The following GLIS3 variants were observed in gnomAD, a reference collection of about 807,000 sequenced individuals.
GLIS3 encodes GLIS family zinc finger 3.
Under a neutral mutation model 78.6 loss-of-function variants are expected in GLIS3, and 53 were observed. That is an observed-to-expected ratio of 0.67 (90% CI 0.54 to 0.85). The LOEUF is 0.85. Among genes scored for constraint, GLIS3 ranks in the 40% least tolerant of loss-of-function variants. The pLI is 0.00. For missense variants in GLIS3, 1,703 were observed against 1,231.1 expected, an observed-to-expected ratio of 1.38 and a Z score of -5.74; for synonymous variants, 684 against 509.9, an observed-to-expected ratio of 1.34 and a Z score of -4.60.
At chr9:4,015,635 C>G (rs1311025068) in intron 4 of GLIS3, among the ~76,000 whole-genome samples, 3 of 152,160 alleles carry the variant, frequency 2.0e-5, no homozygotes, top group Non-Finnish European at 4.4e-5. Context: ...CGCCCGTAAT[C>G]CCAGCACTTT....
intron 3 of GLIS3, among the ~76,000 whole-genome samples, chr9:4,309,613 C>T (rs1458797912): frequency 6.6e-6 from 1 of 152,148 alleles, no homozygotes; most frequent in African/African-American, 2.4e-5. Context: ...ATAATTGTGC[C>T]TAAGTCAGGC....
chr9:4,148,578 C>T (rs1056153783), intron 2 of GLIS3, among the ~76,000 whole-genome samples: 1 of 151,952 alleles, frequency 6.6e-6, no homozygotes, highest in Non-Finnish European at 1.5e-5. Flanking sequence ...AACTGGCAGG[C>T]CCATGAGGAC....
chr9:4,145,822 A>T (rs1261109857), intron 2 of GLIS3, among the ~76,000 whole-genome samples: 1 of 151,702 alleles, frequency 6.6e-6, no homozygotes, highest in Non-Finnish European at 1.5e-5. Context: ...TCCCAGAGAG[A>T]GTAATCTTCT....
intron 9 of GLIS3, among the ~76,000 whole-genome samples, chr9:3,835,621 C>G (rs1818303485): frequency 6.6e-6 from 1 of 152,214 alleles, no homozygotes; most frequent in South Asian, 2.1e-4. Context: ...TTGCTGCAAT[C>G]ATTGTAATTT....
At chr9:3,966,858 G>C (rs1278251392) in intron 4 of GLIS3, among the ~76,000 whole-genome samples, 2 of 151,246 alleles carry the variant, frequency 1.3e-5, no homozygotes, top group African/African-American at 4.9e-5. Flanking sequence ...CAATATAAAA[G>C]TGAAATTCAA....
rs905376635 is a variant in GLIS3 at position 3,824,394 on chromosome 9, AAAACAAAC to A, written c.*3870_*3877del. The stretch of plus-strand genomic sequence containing the variant: ...GAGGCTGATGGTAAAACAAAACAAA[AAAACAAAC>A]AAACAAACAATGATGGTTGCCATTG... On this transcript the variant is annotated 3_prime_UTR_variant, in exon 11 of 11. Coordinates refer to ENST00000381971, the MANE Select transcript of GLIS3 (RefSeq NM_001042413.2). The A allele has an allele frequency of 4.6e-5, 7 of 152,672 alleles. No individual in the cohort carries two copies. The East Asian group carries it at 7.7e-4, about 17-fold the overall frequency. 9.5% of individuals were successfully genotyped at this position (152,672 alleles called of 1,614,324 possible).
intron 9 of GLIS3, among the ~76,000 whole-genome samples, chr9:3,836,956 G>A (rs1439431567): frequency 3.3e-5 from 5 of 152,264 alleles, no homozygotes; most frequent in Admixed American, 1.3e-4. Context: ...CCTGGATCTG[G>A]AGGACCCCAG....
chr9:4,286,157 A>C lies in GLIS3; in HGVS notation c.269T>G (p.Met90Arg). The C allele has an allele frequency of 6.2e-7, 1 of 1,614,154 alleles. No homozygotes were observed. Among genetic ancestry groups the C allele is most frequent in the East Asian group, 2.2e-5 (1 of 44,882 alleles). The change falls in exon 2 of 11, where the codon ATG becomes AGG. Residue 90 changes from methionine to arginine, a missense_variant. Physicochemically the swap from Met to Arg is moderately conservative, Grantham distance 91. Coordinates refer to ENST00000381971, the MANE Select transcript of GLIS3 (RefSeq NM_001042413.2). ...HLPALSPRRQMLTNGKPRFQV... is the reference protein window; with the variant it reads ...HLPALSPRRQRLTNGKPRFQV... ...GAATCGCGGCTTCCCATTGGTGAGC[A>C]TTTGTCTCCTGGGGCTTAAGGCAGG...
At chr9:3,957,602 G>C (rs1207861893) in intron 4 of GLIS3, among the ~76,000 whole-genome samples, 1 of 152,176 alleles carries the variant, frequency 6.6e-6, no homozygotes, top group East Asian at 1.9e-4. Context: ...CTAGAGAACA[G>C]TGATTTTAAA....
intron 6 of GLIS3, among the ~76,000 whole-genome samples, chr9:3,923,216 A>T (rs867050848): frequency 6.6e-6 from 1 of 152,178 alleles, no homozygotes; most frequent in Non-Finnish European, 1.5e-5. Context: ...CACTATAATT[A>T]TCTCTCTAAA....
the GLIS3 span, among the ~76,000 whole-genome samples, chr9:4,444,559 T>A: frequency 2.6e-5 from 4 of 152,198 alleles, no homozygotes; most frequent in African/African-American, 9.7e-5. Flanking sequence ...ACATATGAAG[T>A]AAAACACCTG....
the GLIS3 span, among the ~76,000 whole-genome samples, chr9:4,368,820 T>C: frequency 6.6e-6 from 1 of 152,186 alleles, no homozygotes; most frequent in Non-Finnish European, 1.5e-5. Flanking sequence ...AATTCTCTCG[T>C]TCTAATTCAA....
chr9:4,442,208 T>C, the GLIS3 span, among the ~76,000 whole-genome samples: 2 of 152,344 alleles, frequency 1.3e-5, no homozygotes, highest in African/African-American at 4.8e-5. Flanking sequence ...AATTTATCTA[T>C]TCCTTGTAGA....
At chr9:4,217,529 C>T (rs886544450) in intron 2 of GLIS3, among the ~76,000 whole-genome samples, 1 of 152,102 alleles carries the variant, frequency 6.6e-6, no homozygotes, top group Non-Finnish European at 1.5e-5. Flanking sequence ...TATCATCTGC[C>T]TATAAAGAGA....
At chr9:4,074,725 G>A (rs73392512) in intron 4 of GLIS3, among the ~76,000 whole-genome samples, 2 of 152,230 alleles carry the variant, frequency 1.3e-5, no homozygotes, top group Non-Finnish European at 2.9e-5. Flanking sequence ...TTAACTTAAA[G>A]CAACATCATA....
intron 2 of GLIS3, among the ~76,000 whole-genome samples, chr9:4,230,107 G>A (rs1283424731): frequency 1.3e-5 from 2 of 152,266 alleles, no homozygotes; most frequent in East Asian, 3.9e-4. Flanking sequence ...AATGGTATAG[G>A]TCAGGTCAAG....
intron 6 of GLIS3, among the ~76,000 whole-genome samples, chr9:3,914,599 C>T (rs1186379096): frequency 6.6e-6 from 1 of 152,190 alleles, no homozygotes; most frequent in African/African-American, 2.4e-5. Context: ...TAATTCACTA[C>T]ATTATACTTC....
At chr9:4,190,817 T>A (rs200948662) in intron 2 of GLIS3, among the ~76,000 whole-genome samples, 3 of 152,224 alleles carry the variant, frequency 2.0e-5, no homozygotes, top group African/African-American at 2.4e-5. Flanking sequence ...AAAGCCCATC[T>A]GACTAACAGC....
intron 9 of GLIS3, among the ~76,000 whole-genome samples, chr9:3,853,640 C>G (rs1254351255): frequency 6.6e-6 from 1 of 152,200 alleles, no homozygotes; most frequent in Admixed American, 6.5e-5. Context: ...CAAATGTGAA[C>G]TAAGACTCCA....
Sources: gnomAD v4.1 joint callset for allele counts (sites outside exome capture counted in the v4.1 genomes callset) on GRCh38, gnomAD v4.1.1 for gene constraint, MANE v1.5 for transcripts, NCBI Gene and HGNC (gene_info 2026-07-23, HGNC 2026-07-21) for gene names.